Variants in SMCO2 observed in about 807,000 individuals in gnomAD.
The protein encoded by SMCO2 is single-pass membrane and coiled-coil domain-containing protein 2.
Under a neutral mutation model 29.5 loss-of-function variants are expected in SMCO2, and 25 were observed. That is an observed-to-expected ratio of 0.85 (90% CI 0.62 to 1.18). The LOEUF (loss-of-function observed/expected upper bound fraction) is 1.18. Among genes scored for constraint, SMCO2 ranks in the 50% most tolerant of loss-of-function variants. The pLI, the probability that SMCO2 is intolerant of heterozygous loss-of-function variation, is 0.00. For synonymous variants in SMCO2, 117 were observed against 123.3 expected (o/e 0.95, Z 0.34); for missense variants, 348 against 344.5 (o/e 1.01, Z -0.08).
chr12:27,481,372 T>A (rs1411486278), intron 4 of SMCO2, among the ~76,000 whole-genome samples: 2 of 152,262 alleles, frequency 1.3e-5, no homozygotes, highest in African/African-American at 4.8e-5. Flanking sequence ...TGTGGACCAC[T>A]AGGGATCTCT....
intron 4 of SMCO2, among the ~76,000 whole-genome samples, chr12:27,475,166 A>C (rs968469089): frequency 1.3e-5 from 2 of 152,180 alleles, no homozygotes; most frequent in Non-Finnish European, 2.9e-5. Context: ...ATTAATATAT[A>C]TTTAAGCCTT....
At chr12:27,492,986 G>A (rs1310572740) in intron 5 of SMCO2, among the ~76,000 whole-genome samples, 2 of 152,154 alleles carry the variant, frequency 1.3e-5, no homozygotes, top group Admixed American at 1.3e-4. Context: ...TATATACCAT[G>A]GAATACTATG....
chr12:27,440,379 A>G, the SMCO2 span, among the ~76,000 whole-genome samples: 1 of 152,224 alleles, frequency 6.6e-6, no homozygotes, highest in Admixed American at 6.5e-5. Context: ...TGAAAGAAAA[A>G]AAACACTAAC....
chr12:27,459,611 G>A, the SMCO2 span, among the ~76,000 whole-genome samples: 4 of 152,096 alleles, frequency 2.6e-5, no homozygotes, highest in African/African-American at 9.7e-5. Context: ...ATGTACCCCG[G>A]AACCAAAAAT....
chr12:27,435,564 T>C, the SMCO2 span, among the ~76,000 whole-genome samples: 65 of 147,686 alleles, frequency 4.4e-4, no homozygotes, highest in African/African-American at 1.6e-3. Flanking sequence ...CCCCCATCTC[T>C]CTCCTCTCTG....
chr12:27,474,712 G>C (rs1326144829), intron 3 of SMCO2, 74 bp from the exon 4 acceptor site: 4 of 1,522,148 alleles, frequency 2.6e-6, no homozygotes, highest in Non-Finnish European at 2.7e-6. Context: ...AGGGGGATTG[G>C]GTAGGGCTGG....
At chr12:27,489,497 A>C (rs1164241219) in intron 5 of SMCO2, among the ~76,000 whole-genome samples, 2 of 152,164 alleles carry the variant, frequency 1.3e-5, no homozygotes, top group Non-Finnish European at 2.9e-5. Flanking sequence ...GTGTCTAACA[A>C]CCTCTTTTAA....
At chr12:27,478,009 C>T (rs536912853) in intron 4 of SMCO2, among the ~76,000 whole-genome samples, 1 of 152,164 alleles carries the variant, frequency 6.6e-6, no homozygotes, top group East Asian at 1.9e-4. Flanking sequence ...GATATCTATA[C>T]ATCTGGTGTA....
the SMCO2 span, among the ~76,000 whole-genome samples, chr12:27,427,201 A>G: frequency 6.6e-6 from 1 of 152,144 alleles, no homozygotes; most frequent in Non-Finnish European, 1.5e-5. Flanking sequence ...GTTTTTTCCT[A>G]TTTATCCAGC....
At chr12:27,462,299 T>C (rs1949464798), upstream of SMCO2, among the ~76,000 whole-genome samples, 1 of 152,166 alleles carries the variant, frequency 6.6e-6, no homozygotes, top group South Asian at 2.1e-4. Flanking sequence ...TTCTTTACTA[T>C]CATAGGAAAT....
At position 27,499,472 on chromosome 12, in the gene SMCO2, C is replaced by A. The variant is rs931972900; in HGVS notation, c.684-2451C>A. 6.0e-5 allele frequency among the ~76,000 whole-genome samples: 9 copies of A among 150,346 alleles called. 1 individual carries two copies. The highest frequency in any genetic ancestry group is 2.2e-4 in the African/African-American group (9 of 40,132). ...GTGACTGCTCCAGGGAATGGGGTTT[C>A]TTTTTGGGGTGACAAAAATTTCCTG... On this transcript the variant is annotated intron_variant, in intron 7 of 7. Transcript: ENST00000298876.
upstream of SMCO2, among the ~76,000 whole-genome samples, chr12:27,464,716 C>CAAAAAAAAAAAAAA (rs767874837): frequency 1.1e-4 from 5 of 46,130 alleles, no homozygotes; most frequent in African/African-American, 3.6e-4. Flanking sequence ...GACCCTGTCT[C>CAAAAAAAAAAAAAA]AAAAAAAAAA....
rs1373571798 is a variant in SMCO2 at position 27,470,693 on chromosome 12, A to G, written c.62A>G (p.Gln21Arg). 17 of 1,551,192 alleles carry G rather than the reference A, an allele frequency of 1.1e-5. No homozygotes were observed. Among genetic ancestry groups the G allele is most frequent in the Non-Finnish European group, 1.3e-5 (15 of 1,146,708 alleles). ...TCTCTGCAGATGAAGATGGACTGCC[A>G]GGAACAACAGCTGACTAAGAAAAAC... The change falls in exon 2 of 8, where the codon CAG becomes CGG. Residue 21 changes from glutamine (Q) to arginine (R), a missense_variant. By Grantham distance (43) the Gln-to-Arg change is conservative. Transcript: ENST00000298876.
the SMCO2 span, among the ~76,000 whole-genome samples, chr12:27,457,729 T>A: frequency 2.0e-5 from 3 of 152,258 alleles, no homozygotes; most frequent in Non-Finnish European, 4.4e-5. Flanking sequence ...TCAAAGCATC[T>A]TCCTGATTTC....
At chr12:27,462,305 G>A (rs1044790838), upstream of SMCO2, among the ~76,000 whole-genome samples, 2 of 152,092 alleles carry the variant, frequency 1.3e-5, no homozygotes, top group Non-Finnish European at 2.9e-5. Context: ...ACTATCATAG[G>A]AAATGACACA....
chr12:27,430,165 A>G, the SMCO2 span, among the ~76,000 whole-genome samples: 28 of 152,202 alleles, frequency 1.8e-4, 1 homozygote, highest in African/African-American at 6.7e-4. Flanking sequence ...GTTCTTGTAT[A>G]TTCTGGTACT....
At chr12:27,485,121 T>C (rs1949677837) in intron 4 of SMCO2, among the ~76,000 whole-genome samples, 1 of 149,784 alleles carries the variant, frequency 6.7e-6, no homozygotes, top group African/African-American at 2.5e-5. Flanking sequence ...AACTCACTGA[T>C]GTTCTGGGCT....
the SMCO2 span, among the ~76,000 whole-genome samples, chr12:27,453,146 T>C: frequency 2.0e-5 from 3 of 152,188 alleles, no homozygotes; most frequent in Non-Finnish European, 4.4e-5. Flanking sequence ...TGAGCATCCA[T>C]CATATCATAC....
intron 4 of SMCO2, among the ~76,000 whole-genome samples, chr12:27,482,605 C>T (rs1949654999): frequency 6.6e-6 from 1 of 152,184 alleles, no homozygotes. Flanking sequence ...CCGGCCAACC[C>T]ATGGATTATT....
Sources: allele counts gnomAD v4.1 joint callset (sites outside exome capture counted in the v4.1 genomes callset), GRCh38; gene constraint gnomAD v4.1.1; transcripts MANE v1.5; gene names NCBI Gene and HGNC (gene_info 2026-07-23, HGNC 2026-07-21).